IKZF2: variants seen among roughly 807,000 people sequenced by gnomAD.
The protein encoded by IKZF2 is zinc finger protein Helios.
IKZF2 carries 15 observed loss-of-function variants against 49.2 expected under a neutral mutation model. That is an observed-to-expected ratio of 0.30 (90% CI 0.20 to 0.47). The LOEUF (loss-of-function observed/expected upper bound fraction) is 0.47. Among genes scored for constraint, IKZF2 ranks in the 20% least tolerant of loss-of-function variants. The pLI is 1.00. For synonymous variants in IKZF2, 227 were observed against 221.4 expected, an observed-to-expected ratio of 1.03 and a Z score of -0.23; for missense variants, 567 against 664.6, an observed-to-expected ratio of 0.85 and a Z score of 1.61.
At chr2:213,057,135 C>T in intron 4 of IKZF2, 36 bp from the exon 5 acceptor site, 1 of 1,569,778 alleles carries the variant, frequency 6.4e-7, no homozygotes, top group South Asian at 1.1e-5. Flanking sequence ...ATTTTAAATA[C>T]ATGTTATGTA....
chr2:213,059,450 GT>G, intron 4 of IKZF2, among the ~76,000 whole-genome samples: 1 of 151,530 alleles, frequency 6.6e-6, no homozygotes, highest in African/African-American at 2.4e-5. Flanking sequence ...ATTTTTTCTG[GT>G]AAGGGAGACT....
chr2:213,084,484 G>A (rs1290338889), intron 4 of IKZF2, among the ~76,000 whole-genome samples: 8 of 151,866 alleles, frequency 5.3e-5, no homozygotes, highest in Non-Finnish European at 1.0e-4. Flanking sequence ...TTTTTATTAT[G>A]GCTTTGGGGT....
chr2:213,035,977 T>C (rs1326849513), intron 6 of IKZF2, among the ~76,000 whole-genome samples: 1 of 152,160 alleles, frequency 6.6e-6, no homozygotes, highest in Non-Finnish European at 1.5e-5. Context: ...TTGGATAAAA[T>C]GTAAACATAT....
At chr2:213,011,725 T>C (rs977893568) in intron 8 of IKZF2, among the ~76,000 whole-genome samples, 3 of 151,982 alleles carry the variant, frequency 2.0e-5, no homozygotes, top group Non-Finnish European at 4.4e-5. Flanking sequence ...CCAGCTGATA[T>C]TTGGGATCAG....
At chr2:213,132,923 A>G (rs550663850) in intron 4 of IKZF2, among the ~76,000 whole-genome samples, 42 of 152,362 alleles carry the variant, frequency 2.8e-4, no homozygotes, top group African/African-American at 9.1e-4. Context: ...TCATATCTGC[A>G]TACACATTTC....
intron 4 of IKZF2, among the ~76,000 whole-genome samples, chr2:213,130,453 A>G (rs996250638): frequency 6.6e-6 from 1 of 152,304 alleles, no homozygotes; most frequent in Non-Finnish European, 1.5e-5. Flanking sequence ...TAAACTTCAC[A>G]CTTGAAAAGG....
chr2:213,008,111 G>T (rs751793795), intron 8 of IKZF2, 27 bp from the exon 9 acceptor site: 18 of 1,274,708 alleles, frequency 1.4e-5, no homozygotes, highest in South Asian at 2.2e-5. Flanking sequence ...GGTGAAAGAA[G>T]TAAAAAAAAA....
rs182644649 is a variant in IKZF2, at chr2:213,002,986, A to G, written c.*4374T>C. Reference sequence around the variant, plus strand: ...TAATCATATTCAGAAATACTATGAAACTAAAAAGGTAGTAAAGTCTAGTTT... The same window carrying G: ...TAATCATATTCAGAAATACTATGAAGCTAAAAAGGTAGTAAAGTCTAGTTT... On this transcript the variant is annotated 3_prime_UTR_variant, in exon 9 of 9. Transcript: ENST00000434687. The G allele has an allele frequency of 3.4e-4, 52 of 152,116 alleles. No individual in the cohort carries two copies. Among genetic ancestry groups the G allele is most frequent in the African/African-American group, 1.3e-3 (52 of 41,520 alleles). 9.4% of individuals were successfully genotyped at this position (152,116 alleles called of 1,614,324 possible).
chr2:213,110,386 T>A (rs2059662524), intron 4 of IKZF2, among the ~76,000 whole-genome samples: 1 of 151,926 alleles, frequency 6.6e-6, no homozygotes, highest in East Asian at 1.9e-4. Context: ...TTTTTAAATA[T>A]AATTATTAGT....
intron 4 of IKZF2, among the ~76,000 whole-genome samples, chr2:213,108,753 A>G (rs1436195453): frequency 1.3e-5 from 2 of 152,162 alleles, no homozygotes; most frequent in Non-Finnish European, 2.9e-5. Context: ...TAAAAAAGCA[A>G]TACAACATAT....
intron 8 of IKZF2, among the ~76,000 whole-genome samples, chr2:213,008,471 A>T (rs530330269): frequency 1.3e-5 from 2 of 152,088 alleles, no homozygotes; most frequent in East Asian, 1.9e-4. Flanking sequence ...GCCTCAAGTG[A>T]TCCACCCACC....
At chr2:213,114,989 A>C (rs138947958) in intron 4 of IKZF2, among the ~76,000 whole-genome samples, 239 of 152,286 alleles carry the variant, frequency 1.6e-3, no homozygotes, top group Middle Eastern at 6.8e-3. Context: ...AGGCAAATGC[A>C]CGTTAACCCT....
At chr2:213,074,423 T>C (rs531136047) in intron 4 of IKZF2, among the ~76,000 whole-genome samples, 2 of 152,298 alleles carry the variant, frequency 1.3e-5, no homozygotes, top group South Asian at 2.1e-4. Context: ...GGTATCTACA[T>C]ATACACAGAA....
At chr2:213,107,154 A>G (rs2059561214) in intron 4 of IKZF2, among the ~76,000 whole-genome samples, 1 of 152,176 alleles carries the variant, frequency 6.6e-6, no homozygotes, top group Non-Finnish European at 1.5e-5. Context: ...GGGTTCCCTC[A>G]GACACACAGT....
intron 1 of IKZF2, chr2:213,150,506 T>A (rs1575018351): frequency 4.9e-6 from 1 of 202,320 alleles, no homozygotes; most frequent in Non-Finnish European, 9.9e-6. Context: ...CTTCCACCCC[T>A]CCCCCTCGTC....
chr2:213,078,562 T>C (rs1048722453), intron 4 of IKZF2, among the ~76,000 whole-genome samples: 1 of 152,214 alleles, frequency 6.6e-6, no homozygotes, highest in Non-Finnish European at 1.5e-5. Context: ...AACAGAATTA[T>C]TTGAGCAAAA....
At position 213,005,192 on chromosome 2, in the gene IKZF2, G is replaced by GT. The variant is rs1559149750; in HGVS notation, c.*2167_*2168insA. 2.5e-5 allele frequency: 1 copy of GT among 39,984 alleles called. No homozygotes were observed. The allele number at this position is 39,984 out of a possible 1,614,324, so 2.5% of individuals were successfully genotyped here. A position where few individuals can be genotyped will look rare whatever the true frequency, so the allele number is the denominator to read the frequency against. On this transcript the variant is annotated 3_prime_UTR_variant, in exon 9 of 9. Transcript: ENST00000434687. ...AATTATTATTTGGGAGTGGTTGGGTGGGGGGGGGTGAGCGAGTCTCAAAAA... is the reference window on the plus strand; with the variant it reads ...AATTATTATTTGGGAGTGGTTGGGTGTGGGGGGGGTGAGCGAGTCTCAAAAA...
chr2:213,102,443 A>G (rs1706801079), intron 4 of IKZF2, among the ~76,000 whole-genome samples: 1 of 152,184 alleles, frequency 6.6e-6, no homozygotes, highest in Non-Finnish European at 1.5e-5. Flanking sequence ...AATACAAACA[A>G]GAATAAACCA....
At position 213,007,187 on chromosome 2, in the gene IKZF2, G is replaced by A. The variant is rs980113843; in HGVS notation, c.*173C>T. The stretch of plus-strand genomic sequence containing the variant: ...TTCTCTCTTCTGTTTCTTCCTTATC[G>A]TAATTAGGCAGAGCAAATGACACTG... On this transcript the variant is annotated 3_prime_UTR_variant, in exon 9 of 9. Transcript: ENST00000434687. 2.1e-5 allele frequency: 13 copies of A among 633,402 alleles called. No homozygotes were observed. Among genetic ancestry groups the A allele is most frequent in the South Asian group, 5.7e-5 (2 of 34,984 alleles). The allele number at this position is 633,402 out of a possible 1,614,324, so 39.2% of individuals were successfully genotyped here.
Sources: gnomAD v4.1 joint callset for allele counts (sites outside exome capture counted in the v4.1 genomes callset) on GRCh38, gnomAD v4.1.1 for gene constraint, MANE v1.5 for transcripts, NCBI Gene and HGNC (gene_info 2026-07-23, HGNC 2026-07-21) for gene names.